The following SEC16B variants were observed in gnomAD, a reference collection of about 807,000 sequenced individuals.
The protein encoded by SEC16B is protein transport protein Sec16B.
In SEC16B, 115 loss-of-function variants were observed where a neutral mutation model predicts 141.8. The ratio of observed to expected loss-of-function variants is 0.81; its 90% CI spans 0.70 to 0.95. The LOEUF is 0.95. Among genes scored for constraint, SEC16B ranks in the 40% least tolerant of loss-of-function variants. SEC16B has a pLI of 0.00. For missense variants in SEC16B, 1,291 were observed against 1,312.3 expected, an observed-to-expected ratio of 0.98 and a Z score of 0.25; for synonymous variants, 493 against 492.5, an observed-to-expected ratio of 1.00 and a Z score of -0.01.
chr1:177,942,149 G>T, intron 15 of SEC16B, 109 bp from the exon 16 acceptor site: 1 of 1,205,806 alleles, frequency 8.3e-7, no homozygotes, highest in Non-Finnish European at 1.1e-6. Context: ...GCTAACTCTG[G>T]CATCCAAATA....
At chr1:177,962,201 G>A (rs955417038) in intron 5 of SEC16B, among the ~76,000 whole-genome samples, 1 of 151,944 alleles carries the variant, frequency 6.6e-6, no homozygotes, top group African/African-American at 2.4e-5. Context: ...AGCCTCCCAA[G>A]TAGCTAGGAC....
At position 177,929,687 on chromosome 1, in the gene SEC16B, G is replaced by A; in HGVS notation, c.*171C>T. 1 of 638,902 alleles carries A rather than the reference G, an allele frequency of 1.6e-6. No homozygotes were observed. The highest frequency in any genetic ancestry group is 1.8e-5 in the African/African-American group (1 of 54,682). The allele number at this position is 638,902 out of a possible 1,614,324, so 39.6% of individuals were successfully genotyped here. A position where few individuals can be genotyped will look rare whatever the true frequency, so the allele number is the denominator to read the frequency against. On this transcript the variant is annotated 3_prime_UTR_variant, in exon 26 of 26. Coordinates refer to ENST00000308284, the MANE Select transcript of SEC16B (RefSeq NM_033127.4). Reference sequence around the variant, plus strand: ...AGCTAATCTTAAGAGACTGAATTGTGCTGTGTCTTGAGAGATCCTGTCCTC... The same window carrying A: ...AGCTAATCTTAAGAGACTGAATTGTACTGTGTCTTGAGAGATCCTGTCCTC...
At chr1:177,960,275 C>G in intron 8 of SEC16B, 67 bp downstream of exon 8, 1 of 1,022,414 alleles carries the variant, frequency 9.8e-7, no homozygotes, top group South Asian at 1.4e-5. Flanking sequence ...CTCCAAAATG[C>G]TGATCTGGGC....
rs1652996197 is a variant in SEC16B at position 177,960,788 on chromosome 1, T to C, written c.936+3A>G. ...CATTCCAGGGACACTGGGTCTTCTTTACCTCCATGCTGTGCAGTTCAACAA... is the reference window on the plus strand; with the variant it reads ...CATTCCAGGGACACTGGGTCTTCTTCACCTCCATGCTGTGCAGTTCAACAA... On this transcript the variant is annotated splice_donor_region_variant and intron_variant, in intron 7 of 25. Transcript: ENST00000308284. The C allele has an allele frequency of 3.7e-6, 6 of 1,607,240 alleles. No homozygotes were observed. The highest frequency in any genetic ancestry group is 1.3e-5 in the African/African-American group (1 of 74,770).
At chr1:177,947,347 A>G (rs1375459003) in intron 13 of SEC16B, among the ~76,000 whole-genome samples, 3 of 152,090 alleles carry the variant, frequency 2.0e-5, no homozygotes, top group Non-Finnish European at 4.4e-5. Flanking sequence ...GCAAAAACAG[A>G]ATTTCCTATC....
chr1:177,947,865 C>T lies in SEC16B; in HGVS notation c.1623G>A (p.Glu541=). ...VILSNQAGDP[E]LYQRAIVAIG... is the part of the protein sequence containing the mutation. ...TGGCAACAATCGCACGCTGATACAG[C>T]TCTGGGTCCCCAGCCTGATTCGACA... Residue 541 remains glutamate, a synonymous_variant, in exon 13 of 26, where the codon GAG becomes GAA. Coordinates refer to ENST00000308284, the MANE Select transcript of SEC16B (RefSeq NM_033127.4). 1.3e-5 allele frequency: 20 copies of T among 1,559,018 alleles called. No homozygotes were observed. The highest frequency in any genetic ancestry group is 1.7e-5 in the Non-Finnish European group (20 of 1,151,750).
In SEC16B at chr1:177,928,788, T is replaced by C. The variant is rs1336565335; in HGVS notation, c.*1070A>G. The C allele has an allele frequency of 6.6e-6, 1 of 152,186 alleles. No individual in the cohort carries two copies. Among genetic ancestry groups the C allele is most frequent in the Non-Finnish European group, 1.5e-5 (1 of 68,036 alleles). 9.4% of individuals were successfully genotyped at this position (152,186 alleles called of 1,614,324 possible). A position where few individuals can be genotyped will look rare whatever the true frequency, so the allele number is the denominator to read the frequency against. On this transcript the variant is annotated 3_prime_UTR_variant, in exon 26 of 26. Coordinates refer to ENST00000308284, the MANE Select transcript of SEC16B (RefSeq NM_033127.4). ...TGTAAAAATCAGCCAGAGACAAGCA[T>C]TTGCTATAAAATTATCTGGGTTTAA...
chr1:177,970,440 T>C (rs1653887299), upstream of SEC16B, among the ~76,000 whole-genome samples: 1 of 152,222 alleles, frequency 6.6e-6, no homozygotes, highest in South Asian at 2.1e-4. Flanking sequence ...AAGCAGCACA[T>C]GATATATAGG....
upstream of SEC16B, chr1:177,973,372 T>C (rs983464888): frequency 3.3e-5 from 5 of 152,260 alleles, no homozygotes; most frequent in Admixed American, 2.6e-4. Context: ...TCAGTAGTTA[T>C]CCACCAGGTA....
intron 3 of SEC16B, among the ~76,000 whole-genome samples, chr1:177,965,646 CATGG>C (rs1292903280): frequency 6.6e-6 from 1 of 152,172 alleles, no homozygotes; most frequent in Non-Finnish European, 1.5e-5. Context: ...GGAGAAAAAA[CATGG>C]ATGAAGTACA....
rs147989047 is a variant in SEC16B, at chr1:177,966,572, ATTT to A, written c.300-570_300-568del. ...ATATTAATGTTTTTATCAATTAATAATTTTTTTTTTTGAGACAGAGCCTCACTC... is the reference window on the plus strand; with the variant it reads ...ATATTAATGTTTTTATCAATTAATAATTTTTTTTGAGACAGAGCCTCACTC... On this transcript the variant is annotated intron_variant, in intron 2 of 25. Coordinates refer to ENST00000308284, the MANE Select transcript of SEC16B (RefSeq NM_033127.4). Among the ~76,000 whole-genome samples, 658 of 150,516 alleles carry A rather than the reference ATTT, an allele frequency of 4.4e-3. 5 individuals carry two copies. Among genetic ancestry groups the A allele is most frequent in the African/African-American group, 0.015 (633 of 41,030 alleles).
rs1171878470 is a variant in SEC16B, at chr1:177,930,404, G to T, written c.3111+141C>A. On this transcript the variant is annotated intron_variant, in intron 25 of 25. Coordinates refer to ENST00000308284, the MANE Select transcript of SEC16B (RefSeq NM_033127.4). ...CTACTACTAATCCCACTTTACAGAT[G>T]CAGAAACTGAGACTTGGAGAGGCTA... The T allele has an allele frequency of 4.6e-5, 28 of 613,988 alleles. 3 individuals are homozygous for T. In the South Asian group the frequency reaches 5.7e-4, roughly 13 times the overall value. The allele number at this position is 613,988 out of a possible 1,614,324, so 38.0% of individuals were successfully genotyped here. A position where few individuals can be genotyped will look rare whatever the true frequency, so the allele number is the denominator to read the frequency against.
At chr1:177,981,775 C>T (rs1049916836) in intron 1 of SEC16B, among the ~76,000 whole-genome samples, 1 of 152,126 alleles carries the variant, frequency 6.6e-6, no homozygotes, top group Non-Finnish European at 1.5e-5. Context: ...GGACAATGTA[C>T]TGGAGGTGTC....
chr1:177,965,841 ACCAGCTGCC>A, intron 3 of SEC16B, 43 bp downstream of exon 3: 1 of 1,181,104 alleles, frequency 8.5e-7, no homozygotes, highest in African/African-American at 1.5e-5. Context: ...TGCCTCTCAG[ACCAGCTGCC>A]CCATCCCCAA....
Position 177,939,746 on chromosome 1 carries a change from T to C in SEC16B, c.2159A>G (p.His720Arg), listed in dbSNP as rs1651138566. ...TCCCGAAATATCTGAGCGAGTAGGA[T>C]GAGGATCCCCAATGTCTCCTGCTAC... ...QKVAGDIGDP[H>R]PTRSDISGAG... The change falls in exon 18 of 26, where the codon CAT (histidine) becomes CGT (arginine). Residue 720 changes from histidine (H) to arginine (R), a missense_variant. His to Arg is a conservative substitution (Grantham distance 29, BLOSUM62 0). Transcript: ENST00000308284. The C allele has an allele frequency of 1.3e-6, 2 of 1,595,428 alleles. No homozygotes were observed. The highest frequency in any genetic ancestry group is 1.7e-5 in the Admixed American group (1 of 57,698).
At chr1:177,969,347 T>C (rs1230002169) in intron 1 of SEC16B, among the ~76,000 whole-genome samples, 1 of 152,120 alleles carries the variant, frequency 6.6e-6, no homozygotes, top group African/African-American at 2.4e-5. Flanking sequence ...GCCTCCCACC[T>C]CAAGGTCACT....
chr1:177,958,716 C>A, intron 9 of SEC16B, 124 bp downstream of exon 9: 1 of 1,266,728 alleles, frequency 7.9e-7, no homozygotes, highest in South Asian at 1.6e-5. Context: ...AATTTTTTCC[C>A]TTGGGGCAAT....
chr1:177,941,783 G>T, intron 16 of SEC16B, 117 bp downstream of exon 16: 2 of 1,191,146 alleles, frequency 1.7e-6, no homozygotes, highest in Non-Finnish European at 2.4e-6. Context: ...ATGGCCGTGG[G>T]CTCCAATTTT....
At position 177,965,167 on chromosome 1, in the gene SEC16B, A is replaced by T; in HGVS notation, c.413T>A (p.Val138Glu). The T allele has an allele frequency of 1.2e-6, 2 of 1,613,176 alleles. No homozygotes were observed. Among genetic ancestry groups the T allele is most frequent in the Non-Finnish European group, 1.7e-6 (2 of 1,179,600 alleles). ...GHPQWLQEER[V>E]PRQRSPYIWH... ...GATATAAGGACTCCGTTGCCTTGGC[A>T]CTGCACCCTCAGAGAAAACAAAATC... Residue 138 changes from valine to glutamate, a missense_variant and splice_region_variant, in exon 4 of 26, where the codon GTG becomes GAG. By Grantham distance (121) the Val-to-Glu change is moderately radical. This residue lies in a region of SEC16B where 681 missense variants were observed against 675.5 expected (regional missense o/e 1.01). Coordinates refer to ENST00000308284, the MANE Select transcript of SEC16B (RefSeq NM_033127.4).
Sources: allele counts gnomAD v4.1 joint callset (sites outside exome capture counted in the v4.1 genomes callset), GRCh38; gene constraint gnomAD v4.1.1; regional missense constraint gnomAD v4.1.1; transcripts MANE v1.5; gene names NCBI Gene and HGNC (gene_info 2026-07-23, HGNC 2026-07-21).